TMEM108: variants seen among roughly 807,000 people sequenced by gnomAD.
The protein encoded by TMEM108 is cancer/testis antigen 124.
In TMEM108, 12 loss-of-function variants were observed where a neutral mutation model predicts 35.1. That is an observed-to-expected ratio of 0.34 (90% CI 0.22 to 0.55). TMEM108 has a LOEUF of 0.55. TMEM108 is among the 20% of genes least tolerant of loss of function. The probability of loss-of-function intolerance (pLI) is 0.89; values close to 1 mark genes in which losing one functional copy is unlikely to be tolerated. For synonymous variants in TMEM108, 287 were observed against 308.6 expected, an observed-to-expected ratio of 0.93 and a Z score of 0.73; for missense variants, 680 against 753.3, an observed-to-expected ratio of 0.90 and a Z score of 1.14.
chr3:133,062,821 T>C (rs1162824040), intron 2 of TMEM108, among the ~76,000 whole-genome samples: 1 of 152,238 alleles, frequency 6.6e-6, no homozygotes, highest in African/African-American at 2.4e-5. Flanking sequence ...AAAGGTGTTA[T>C]GTGTTTTTCT....
Position 133,273,587 on chromosome 3 carries a change from T to G in TMEM108, c.40+44236T>G, listed in dbSNP as rs114332204. Among the ~76,000 whole-genome samples the G allele has an allele frequency of 2.4e-3, 360 of 152,196 alleles. 2 individuals carry two copies. The highest frequency in any genetic ancestry group is 7.9e-3 in the African/African-American group (329 of 41,544). Reference sequence around the variant, plus strand: ...CTTTGGAGAGTCCCTTCTTCAGGAGTGTGAGTTCTGGGTGAGTGGTGGAAG... The same window carrying G: ...CTTTGGAGAGTCCCTTCTTCAGGAGGGTGAGTTCTGGGTGAGTGGTGGAAG... On this transcript the variant is annotated intron_variant, in intron 3 of 5. Coordinates refer to ENST00000321871, the MANE Select transcript of TMEM108 (RefSeq NM_023943.4).
At chr3:133,187,984 C>A (rs1945446407) in intron 2 of TMEM108, among the ~76,000 whole-genome samples, 1 of 150,334 alleles carries the variant, frequency 6.7e-6, no homozygotes, top group Admixed American at 6.7e-5. Flanking sequence ...TAAAGGCTGT[C>A]TTTTAGAGTT....
At chr3:133,331,904 G>T (rs1168691152) in intron 3 of TMEM108, among the ~76,000 whole-genome samples, 2 of 152,184 alleles carry the variant, frequency 1.3e-5, no homozygotes, top group Non-Finnish European at 2.9e-5. Flanking sequence ...GGTTTGGATC[G>T]TGATCTGGTC....
At chr3:133,183,444 T>A (rs181959275) in intron 2 of TMEM108, among the ~76,000 whole-genome samples, 35 of 152,108 alleles carry the variant, frequency 2.3e-4, no homozygotes, top group African/African-American at 7.2e-4. Flanking sequence ...AAGATAAGCC[T>A]GGAGGGATCA....
chr3:133,343,011 T>C (rs575734759), intron 3 of TMEM108, among the ~76,000 whole-genome samples: 112 of 151,908 alleles, frequency 7.4e-4, no homozygotes, highest in African/African-American at 2.4e-3. Flanking sequence ...TATTGAAATA[T>C]CATTCTATAG....
At chr3:133,309,706 T>C (rs917842345) in intron 3 of TMEM108, among the ~76,000 whole-genome samples, 4 of 105,288 alleles carry the variant, frequency 3.8e-5, no homozygotes, top group Non-Finnish European at 3.9e-5. Flanking sequence ...TTTTTTTTTT[T>C]TTTTTTTTTT....
chr3:133,051,000 T>C (rs528745243), intron 2 of TMEM108, among the ~76,000 whole-genome samples: 2 of 149,688 alleles, frequency 1.3e-5, no homozygotes, highest in African/African-American at 4.9e-5. Context: ...TTTGTGGACA[T>C]AAATTTTTAA....
intron 5 of TMEM108, among the ~76,000 whole-genome samples, chr3:133,393,557 A>C (rs1472074028): frequency 3.3e-5 from 5 of 152,266 alleles, no homozygotes; most frequent in Admixed American, 6.5e-5. Flanking sequence ...TAAATGCCCA[A>C]GAAAAATTTT....
intron 3 of TMEM108, among the ~76,000 whole-genome samples, chr3:133,313,892 C>G (rs1372609906): frequency 6.6e-6 from 1 of 151,982 alleles, no homozygotes; most frequent in African/African-American, 2.4e-5. Context: ...GGCATTAATG[C>G]CTGAAGACCT....
At chr3:133,321,888 A>G (rs1032324238) in intron 3 of TMEM108, among the ~76,000 whole-genome samples, 4 of 152,166 alleles carry the variant, frequency 2.6e-5, no homozygotes, top group Non-Finnish European at 1.5e-5. Flanking sequence ...CCTCAAAACT[A>G]TAGAAATACA....
At chr3:133,154,432 G>T (rs1419616334) in intron 2 of TMEM108, among the ~76,000 whole-genome samples, 3 of 152,130 alleles carry the variant, frequency 2.0e-5, no homozygotes, top group Admixed American at 6.6e-5. Context: ...GGTCTAACAT[G>T]TAAGTCTTTA....
intron 2 of TMEM108, among the ~76,000 whole-genome samples, chr3:133,179,027 T>G (rs1007044736): frequency 9.2e-5 from 14 of 152,144 alleles, no homozygotes; most frequent in African/African-American, 3.4e-4. Flanking sequence ...AAAGAAGACA[T>G]TTATGCAGCC....
intron 2 of TMEM108, among the ~76,000 whole-genome samples, chr3:133,133,659 G>C (rs951767770): frequency 1.3e-5 from 2 of 151,496 alleles, no homozygotes; most frequent in Non-Finnish European, 2.9e-5. Context: ...TGTCACAAGT[G>C]GCAGAGTTTT....
intron 2 of TMEM108, among the ~76,000 whole-genome samples, chr3:133,183,901 G>C (rs1480347597): frequency 6.6e-6 from 1 of 152,186 alleles, no homozygotes; most frequent in Non-Finnish European, 1.5e-5. Context: ...ACGGGAGATG[G>C]CCGTACCTAC....
At chr3:133,377,776 G>A (rs1403660612) in intron 3 of TMEM108, among the ~76,000 whole-genome samples, 1 of 152,148 alleles carries the variant, frequency 6.6e-6, no homozygotes, top group East Asian at 1.9e-4. Flanking sequence ...ACCACAAGAG[G>A]TGGGAGGCCG....
intron 3 of TMEM108, among the ~76,000 whole-genome samples, chr3:133,345,516 G>A (rs551215734): frequency 2.0e-5 from 3 of 151,630 alleles, no homozygotes; most frequent in Non-Finnish European, 3.0e-5. Context: ...CTAGATAACC[G>A]TCAAACAATT....
At chr3:133,090,340 T>C (rs142212418) in intron 2 of TMEM108, among the ~76,000 whole-genome samples, 1 of 152,354 alleles carries the variant, frequency 6.6e-6, no homozygotes, top group African/African-American at 2.4e-5. Context: ...TTCTTATTGC[T>C]TGATAAACAT....
At chr3:133,249,469 C>T (rs76390044) in intron 3 of TMEM108, among the ~76,000 whole-genome samples, 17,933 of 152,166 alleles carry the variant, frequency 0.12, 1,472 homozygotes, top group East Asian at 0.38. Flanking sequence ...CTTCCCTCCA[C>T]CTTCCAGTAG....
intron 3 of TMEM108, among the ~76,000 whole-genome samples, chr3:133,243,958 G>A (rs1946349482): frequency 6.6e-6 from 1 of 152,142 alleles, no homozygotes; most frequent in South Asian, 2.1e-4. Flanking sequence ...AAGGGTAGTG[G>A]GCCTGGAAAG....
Sources: gnomAD v4.1 joint callset for allele counts (sites outside exome capture counted in the v4.1 genomes callset) on GRCh38, gnomAD v4.1.1 for gene constraint, MANE v1.5 for transcripts, NCBI Gene and HGNC (gene_info 2026-07-23, HGNC 2026-07-21) for gene names.